Variants in DLG2 observed in about 807,000 individuals in gnomAD.
DLG2 encodes disks large homolog 2.
Under a neutral mutation model 132.5 loss-of-function variants are expected in DLG2, and 45 were observed. That is an observed-to-expected ratio of 0.34 (90% CI 0.27 to 0.44). The LOEUF is 0.44. Ranked by LOEUF, DLG2 falls within the 20% of genes least tolerant of loss-of-function variation. DLG2 has a pLI of 1.00. For synonymous variants in DLG2, 424 were observed against 419.6 expected (o/e 1.01, Z -0.13); for missense variants, 1,045 against 1,196.9 (o/e 0.87, Z 1.87).
chr11:85,207,889 C>T (rs1041390114), intron 4 of DLG2, among the ~76,000 whole-genome samples: 4 of 151,620 alleles, frequency 2.6e-5, no homozygotes, highest in Non-Finnish European at 5.9e-5. Flanking sequence ...CTTTCATGCC[C>T]TCTACATCTG....
chr11:85,501,497 A>G (rs1194201647), intron 3 of DLG2, among the ~76,000 whole-genome samples: 1 of 152,226 alleles, frequency 6.6e-6, no homozygotes, highest in Non-Finnish European at 1.5e-5. Context: ...ACAGAACGGG[A>G]GAAAATTTTT....
chr11:84,432,138 G>C (rs1025945903), intron 7 of DLG2, among the ~76,000 whole-genome samples: 6 of 152,174 alleles, frequency 3.9e-5, no homozygotes, highest in African/African-American at 7.2e-5. Context: ...GGGCTTTAGA[G>C]GCCAAGAAAA....
rs1277079462 is a variant in DLG2, at chr11:85,496,695, C to A, written c.40+101962G>T. On this transcript the variant is annotated intron_variant, in intron 3 of 27. Coordinates refer to ENST00000376104, the MANE Select transcript of DLG2 (RefSeq NM_001142699.3). Reference sequence around the variant, plus strand: ...GGCCAACAGACACCTCATACACGCTCGTGCCCCTCTCAGATGAAGCTCTCA... The same window carrying A: ...GGCCAACAGACACCTCATACACGCTAGTGCCCCTCTCAGATGAAGCTCTCA... Among the ~76,000 whole-genome samples the A allele has an allele frequency of 5.3e-5, 8 of 151,924 alleles. No individual in the cohort carries two copies. The South Asian group carries it at 1.7e-3, about 32-fold the overall frequency.
intron 21 of DLG2, among the ~76,000 whole-genome samples, chr11:83,531,779 T>C (rs79432186): frequency 0.013 from 1,933 of 150,436 alleles, 43 homozygotes; most frequent in African/African-American, 0.045. Context: ...ACAGATTAAA[T>C]GTGGCATATC....
chr11:85,017,013 C>T (rs1182899613), intron 6 of DLG2, among the ~76,000 whole-genome samples: 1 of 152,102 alleles, frequency 6.6e-6, no homozygotes, highest in Non-Finnish European at 1.5e-5. Flanking sequence ...CAGCCATGCC[C>T]ATTTGTTTAT....
chr11:83,921,743 TG>T (rs1422519029), intron 15 of DLG2, among the ~76,000 whole-genome samples: 1 of 152,196 alleles, frequency 6.6e-6, no homozygotes, highest in Non-Finnish European at 1.5e-5. Flanking sequence ...AATAATTTGA[TG>T]GTTACTAAAG....
intron 3 of DLG2, among the ~76,000 whole-genome samples, chr11:85,495,744 C>G (rs1251105532): frequency 6.6e-6 from 1 of 152,122 alleles, no homozygotes; most frequent in Non-Finnish European, 1.5e-5. Context: ...GGATCTAGAA[C>G]CAGAAATACC....
At chr11:83,913,953 G>A (rs1192995989) in intron 15 of DLG2, among the ~76,000 whole-genome samples, 1 of 152,138 alleles carries the variant, frequency 6.6e-6, no homozygotes, top group African/African-American at 2.4e-5. Context: ...GAAAACCAGT[G>A]GGTAAATACT....
At chr11:85,476,699 C>T (rs1169419123) in intron 3 of DLG2, among the ~76,000 whole-genome samples, 1 of 151,998 alleles carries the variant, frequency 6.6e-6, no homozygotes, top group Non-Finnish European at 1.5e-5. Context: ...TCAGGAATAT[C>T]AGTATCATAG....
chr11:85,004,190 G>A (rs561230966), intron 6 of DLG2, among the ~76,000 whole-genome samples: 61 of 152,222 alleles, frequency 4.0e-4, no homozygotes, highest in South Asian at 8.3e-4. Flanking sequence ...ACATGTGCAC[G>A]TGTCTTTATA....
chr11:83,830,450 G>C (rs771342642), intron 17 of DLG2, among the ~76,000 whole-genome samples: 1 of 152,196 alleles, frequency 6.6e-6, no homozygotes, highest in Non-Finnish European at 1.5e-5. Flanking sequence ...TTTAAACAGA[G>C]TTAGAGAGTC....
intron 4 of DLG2, among the ~76,000 whole-genome samples, chr11:85,210,263 T>C (rs2082171674): frequency 6.6e-6 from 1 of 152,114 alleles, no homozygotes; most frequent in African/African-American, 2.4e-5. Context: ...GTTGAACAGA[T>C]GAATAAGCCC....
At chr11:85,027,907 T>C (rs1206761256) in intron 6 of DLG2, among the ~76,000 whole-genome samples, 1 of 151,738 alleles carries the variant, frequency 6.6e-6, no homozygotes, top group Non-Finnish European at 1.5e-5. Flanking sequence ...GGGAGGGGGG[T>C]GTTTCAGCCC....
At chr11:83,619,153 T>G (rs1191758987) in intron 19 of DLG2, among the ~76,000 whole-genome samples, 1 of 152,186 alleles carries the variant, frequency 6.6e-6, no homozygotes, top group Non-Finnish European at 1.5e-5. Context: ...CTCATGCCTC[T>G]TTGCTAAGGA....
At chr11:84,889,845 G>A (rs1040348349) in intron 6 of DLG2, among the ~76,000 whole-genome samples, 1 of 152,134 alleles carries the variant, frequency 6.6e-6, no homozygotes, top group Non-Finnish European at 1.5e-5. Context: ...AATAGACCTA[G>A]AGACCTACAA....
At chr11:84,106,868 T>TGTGA (rs112133411) in intron 9 of DLG2, among the ~76,000 whole-genome samples, 6 of 137,630 alleles carry the variant, frequency 4.4e-5, no homozygotes, top group Admixed American at 1.5e-4. Flanking sequence ...TGTGTATGTG[T>TGTGA]GAGAGAGAGA....
intron 6 of DLG2, among the ~76,000 whole-genome samples, chr11:84,583,115 T>A (rs2099520568): frequency 6.6e-6 from 1 of 152,234 alleles, no homozygotes; most frequent in Non-Finnish European, 1.5e-5. Flanking sequence ...ATTGAAATAC[T>A]CACAATGGTG....
intron 14 of DLG2, among the ~76,000 whole-genome samples, chr11:83,961,921 T>G (rs554438372): frequency 1.3e-5 from 2 of 152,138 alleles, no homozygotes; most frequent in African/African-American, 4.8e-5. Context: ...GCTAAAGATA[T>G]AAAGAGCTAC....
At chr11:83,870,418 CAT>C (rs1387096619) in intron 16 of DLG2, among the ~76,000 whole-genome samples, 1 of 152,212 alleles carries the variant, frequency 6.6e-6, no homozygotes, top group Non-Finnish European at 1.5e-5. Context: ...CAGTTCCACA[CAT>C]GTTGCTGAAA....
Sources: gnomAD v4.1 joint callset for allele counts (sites outside exome capture counted in the v4.1 genomes callset) on GRCh38, gnomAD v4.1.1 for gene constraint, MANE v1.5 for transcripts, NCBI Gene and HGNC (gene_info 2026-07-23, HGNC 2026-07-21) for gene names.